Variants in GET4 observed in about 807,000 individuals in gnomAD.
GET4 encodes guided entry of tail-anchored proteins factor 4, also known as Golgi to ER traffic protein 4 homolog.
Under a neutral mutation model 40.0 loss-of-function variants are expected in GET4, and 20 were observed. The observed-to-expected ratio is 0.50, with a 90% CI of 0.35 to 0.73. GET4 has a LOEUF of 0.73. Ranked by LOEUF, GET4 falls within the 30% of genes least tolerant of loss-of-function variation. The pLI is 0.01. For missense variants in GET4, 557 were observed against 454.0 expected (o/e 1.23, Z -2.06); for synonymous variants, 280 against 194.6 (o/e 1.44, Z -3.65).
chr7:892,631 GTGGGTGTATGTGCAAGTGTAGACA>G (rs66553046), intron 6 of GET4, among the ~76,000 whole-genome samples: 63,757 of 151,098 alleles, frequency 0.42, 13,830 homozygotes, highest in East Asian at 0.5. Flanking sequence ...GGGTAGCTGT[GTGGGTGTATGTGCAAGTGTAGACA>G]TGGCGTGGGG....
chr7:890,889 C>T (rs760348332), intron 4 of GET4, 39 bp from the exon 5 acceptor site: 24 of 1,491,110 alleles, frequency 1.6e-5, no homozygotes, highest in Admixed American at 8.4e-5. Context: ...GTGTTATATT[C>T]GTGAAATGTA....
chr7:889,042 A>G (rs1339783860), intron 4 of GET4, among the ~76,000 whole-genome samples: 1 of 152,244 alleles, frequency 6.6e-6, no homozygotes, highest in Non-Finnish European at 1.5e-5. Flanking sequence ...GGAGACCTGC[A>G]TGGCAGCTCC....
chr7:889,751 T>C lies in GET4; in HGVS notation c.467-1177T>C, dbSNP rs1214663518. 3.0e-3 allele frequency among the ~76,000 whole-genome samples: 160 copies of C among 53,216 alleles called. 4 individuals are homozygous for C. Among genetic ancestry groups the C allele is most frequent in the African/African-American group, 9.3e-3 (125 of 13,444 alleles). 34.9% of individuals were successfully genotyped at this position (53,216 alleles called of 152,430 possible). On this transcript the variant is annotated intron_variant, in intron 4 of 8. Coordinates refer to ENST00000265857, the MANE Select transcript of GET4 (RefSeq NM_015949.3). Reference sequence around the variant, plus strand: ...CGGGTGTTAGGACGGGGTCTGGGAGTGGAGGGAGCGCGAGCGGGTGTTAGG... The same window carrying C: ...CGGGTGTTAGGACGGGGTCTGGGAGCGGAGGGAGCGCGAGCGGGTGTTAGG...
At chr7:880,363 A>C (rs535256537) in intron 1 of GET4, 1 of 152,372 alleles carries the variant, frequency 6.6e-6, no homozygotes, top group South Asian at 2.1e-4. Flanking sequence ...ATATTTGCCC[A>C]GTGATTAACC....
At chr7:894,670 G>A (rs182891723) in intron 8 of GET4, among the ~76,000 whole-genome samples, 42 of 152,334 alleles carry the variant, frequency 2.8e-4, no homozygotes, top group African/African-American at 7.0e-4. Context: ...CTGAGCTCCC[G>A]TTCCACAGAA....
At chr7:890,818 C>T (rs1844303192) in intron 4 of GET4, 110 bp from the exon 5 acceptor site, 2 of 875,670 alleles carry the variant, frequency 2.3e-6, no homozygotes, top group Non-Finnish European at 3.8e-6. Flanking sequence ...GCTGGGCTCT[C>T]CTCCAGGGCG....
At chr7:892,052 TG>T (rs1844335627) in intron 5 of GET4, among the ~76,000 whole-genome samples, 1 of 152,260 alleles carries the variant, frequency 6.6e-6, no homozygotes, top group South Asian at 2.1e-4. Flanking sequence ...CTCCAGAGCC[TG>T]GTCACATTCC....
chr7:887,651 C>A, intron 4 of GET4, 132 bp downstream of exon 4: 1 of 599,616 alleles, frequency 1.7e-6, no homozygotes, highest in Non-Finnish European at 2.6e-6. Context: ...GCGGGCCGGT[C>A]CATGGAGACC....
intron 1 of GET4, chr7:882,245 C>T (rs938659086): frequency 6.6e-6 from 1 of 152,200 alleles, no homozygotes; most frequent in Non-Finnish European, 1.5e-5. Context: ...TTAAGAATTG[C>T]CAGACTGCTT....
chr7:895,793 G>A lies in GET4; in HGVS notation c.*371G>A, dbSNP rs951416350. 1.2e-5 allele frequency: 2 copies of A among 162,272 alleles called. No homozygotes were observed. The highest frequency in any genetic ancestry group is 4.8e-5 in the African/African-American group (2 of 41,962). The allele number at this position is 162,272 out of a possible 1,614,324, so 10.1% of individuals were successfully genotyped here. ...GCTGCGCACATCACGCTCCTTGCCG[G>A]GCGTCCGGCACAGCTGCGGTCACCA... On this transcript the variant is annotated 3_prime_UTR_variant, in exon 9 of 9. Transcript: ENST00000265857.
intron 4 of GET4, among the ~76,000 whole-genome samples, chr7:888,081 A>G (rs576587640): frequency 6.6e-6 from 1 of 152,148 alleles, no homozygotes; most frequent in South Asian, 2.1e-4. Flanking sequence ...TGGGATGGCA[A>G]GTGGCACCAG....
At position 887,428 on chromosome 7, in the gene GET4, T is replaced by C; in HGVS notation, c.375T>C (p.Phe125=). ...CCAACTCTCCTGAGCGCGTGACCTT[T>C]GTGTCCAGAGCCCTGAAGTGGTCCA... ...MDPNSPERVT[F]VSRALKWSSG... Residue 125 remains phenylalanine (F), a synonymous_variant, in exon 4 of 9, where the codon TTT becomes TTC. Coordinates refer to ENST00000265857, the MANE Select transcript of GET4 (RefSeq NM_015949.3). The C allele has an allele frequency of 6.2e-7, 1 of 1,604,900 alleles. No homozygotes were observed.
At chr7:887,059 A>G in intron 3 of GET4, 1 of 592,066 alleles carries the variant, frequency 1.7e-6, no homozygotes. Flanking sequence ...GCTCTGGGAG[A>G]TGCCCCGGGC....
chr7:876,901 C>G (rs1222564969), intron 1 of GET4, 101 bp downstream of exon 1: 1 of 569,578 alleles, frequency 1.8e-6, no homozygotes, highest in Non-Finnish European at 2.3e-6. Flanking sequence ...GCGCCGCTGC[C>G]CGTCGCGGGG....
At position 893,767 on chromosome 7, in the gene GET4, G is replaced by A. The variant is rs1355708242; in HGVS notation, c.774G>A (p.Leu258=). 1 of 1,610,322 alleles carries A rather than the reference G, an allele frequency of 6.2e-7. No individual in the cohort carries two copies. The highest frequency in any genetic ancestry group is 1.7e-5 in the Admixed American group (1 of 59,920). The change falls in exon 7 of 9, where the codon CTG becomes CTA. Residue 258 remains leucine, a synonymous_variant. Transcript: ENST00000265857. ...DGGKLTVFTV[L]CEQYQPSLRR... Reference sequence around the variant, plus strand: ...GGAAGCTGACGGTGTTCACTGTGCTGTGTGAGCAGTACCAGCCATCCCTCC... The same window carrying A: ...GGAAGCTGACGGTGTTCACTGTGCTATGTGAGCAGTACCAGCCATCCCTCC...
intron 5 of GET4, 123 bp downstream of exon 5, chr7:891,189 A>G (rs189720643): frequency 2.9e-6 from 2 of 694,506 alleles, no homozygotes; most frequent in Admixed American, 3.2e-5. Context: ...CACTCTGGGC[A>G]GAGCCCACAG....
intron 4 of GET4, among the ~76,000 whole-genome samples, chr7:888,676 T>G (rs1342211301): frequency 6.6e-6 from 1 of 152,216 alleles, no homozygotes; most frequent in Non-Finnish European, 1.5e-5. Context: ...CCCAGGCTGG[T>G]GCCTCCGTGG....
chr7:892,518 A>C, intron 6 of GET4, 100 bp downstream of exon 6: 1 of 1,320,880 alleles, frequency 7.6e-7, no homozygotes, highest in Non-Finnish European at 1.1e-6. Context: ...AAGTGTAGCC[A>C]TGGTGTGGGT....
At chr7:893,671 G>C (rs900453513) in intron 6 of GET4, 69 bp from the exon 7 acceptor site, 3 of 1,014,964 alleles carry the variant, frequency 3.0e-6, no homozygotes, top group South Asian at 2.7e-5. Context: ...GCGCAGGCGC[G>C]GTGGTTTGTG....
Sources: gnomAD v4.1 joint callset for allele counts (sites outside exome capture counted in the v4.1 genomes callset) on GRCh38, gnomAD v4.1.1 for gene constraint, MANE v1.5 for transcripts, NCBI Gene and HGNC (gene_info 2026-07-23, HGNC 2026-07-21) for gene names.